SMURF2: variants seen among roughly 807,000 people sequenced by gnomAD.
SMURF2 encodes SMAD specific E3 ubiquitin protein ligase 2, also known as E3 ubiquitin-protein ligase SMURF2.
A neutral mutation model predicts 109.6 loss-of-function variants in SMURF2; 48 were observed. The observed-to-expected ratio is 0.44, with a 90% CI of 0.35 to 0.56. The LOEUF is 0.56. Ranked by LOEUF, SMURF2 falls within the 20% of genes least tolerant of loss-of-function variation. The probability of loss-of-function intolerance (pLI) is 0.01; values close to 1 mark genes in which losing one functional copy is unlikely to be tolerated. For synonymous variants in SMURF2, 288 were observed against 317.1 expected (o/e 0.91, Z 0.97); for missense variants, 575 against 909.0 (o/e 0.63, Z 4.72).
chr17:64,604,761 T>C (rs1555688884), intron 2 of SMURF2, among the ~76,000 whole-genome samples: 3 of 151,832 alleles, frequency 2.0e-5, no homozygotes, highest in Admixed American at 2.0e-4. Context: ...CTGACCAACA[T>C]GGTGAAACTC....
At chr17:64,568,112 C>T (rs1270749840) in intron 10 of SMURF2, among the ~76,000 whole-genome samples, 2 of 152,046 alleles carry the variant, frequency 1.3e-5, no homozygotes, top group African/African-American at 4.8e-5. Context: ...CCTTGGCCTC[C>T]CAAAGTGGTG....
At position 64,551,205 on chromosome 17, in the gene SMURF2, A is replaced by C. The variant is rs538687321; in HGVS notation, c.1869+379T>G. Among the ~76,000 whole-genome samples the C allele has an allele frequency of 1.3e-4, 20 of 152,174 alleles. No homozygotes were observed. In the South Asian group the frequency reaches 3.3e-3, roughly 25 times the overall value. ...CAAAACCCTGTCTCTACCAAAAAAA[A>C]CAAAAAAATTAGCCAGGGGTGCTGG... On this transcript the variant is annotated intron_variant, in intron 16 of 18. Coordinates refer to ENST00000262435, the MANE Select transcript of SMURF2 (RefSeq NM_022739.4).
At chr17:64,600,361 T>A (rs1388691869) in intron 2 of SMURF2, among the ~76,000 whole-genome samples, 3 of 152,208 alleles carry the variant, frequency 2.0e-5, no homozygotes, top group African/African-American at 7.2e-5. Context: ...GAGACAAAAA[T>A]GTCACTTCAT....
At chr17:64,640,550 T>C (rs1208450671) in intron 1 of SMURF2, among the ~76,000 whole-genome samples, 1 of 152,182 alleles carries the variant, frequency 6.6e-6, no homozygotes, top group African/African-American at 2.4e-5. Context: ...AGCAAGGAAG[T>C]AAAATCATCC....
chr17:64,629,067 G>C (rs1315578955), intron 1 of SMURF2, among the ~76,000 whole-genome samples: 4 of 152,092 alleles, frequency 2.6e-5, no homozygotes, highest in African/African-American at 4.8e-5. Context: ...AAAGTTTTCT[G>C]AGTTTAGAAA....
In SMURF2 at chr17:64,641,861, C is replaced by A. The variant is rs782245982; in HGVS notation, c.52+19968G>T. Among the ~76,000 whole-genome samples the A allele has an allele frequency of 2.2e-4, 33 of 152,212 alleles. 1 individual carries two copies. The highest frequency in any genetic ancestry group is 3.5e-4 in the Non-Finnish European group (24 of 68,032). ...TATTAGTCTCACTCCAGCTGGAATG[C>A]AATGGCACAATCTCGGCTCACTGCA... is the stretch of plus-strand genomic sequence containing the variant. On this transcript the variant is annotated intron_variant, in intron 1 of 18. Transcript: ENST00000262435.
chr17:64,621,800 G>A (rs1970206289), intron 1 of SMURF2, among the ~76,000 whole-genome samples: 1 of 150,752 alleles, frequency 6.6e-6, no homozygotes, highest in Non-Finnish European at 1.5e-5. Flanking sequence ...CTTGAACCGG[G>A]ACCCGGGAGG....
intron 1 of SMURF2, among the ~76,000 whole-genome samples, chr17:64,640,465 G>A (rs1970479140): frequency 6.6e-6 from 1 of 152,100 alleles, no homozygotes; most frequent in Non-Finnish European, 1.5e-5. Flanking sequence ...AGTCAACAGG[G>A]GCAGATTATA....
chr17:64,579,914 CAGTT>C (rs1490690258), intron 8 of SMURF2, among the ~76,000 whole-genome samples: 2 of 152,182 alleles, frequency 1.3e-5, no homozygotes, highest in Non-Finnish European at 2.9e-5. Flanking sequence ...AGTCATAGCA[CAGTT>C]AATGGACAAG....
rs1201648898 is a variant in SMURF2, at chr17:64,546,443, G to A, written c.2072-105C>T. On this transcript the variant is annotated intron_variant, in intron 17 of 18. Coordinates refer to ENST00000262435, the MANE Select transcript of SMURF2 (RefSeq NM_022739.4). Reference sequence around the variant, plus strand: ...GTTAACCACAGGATCTGGGGATAGGGGAATGCTAATGAATCCACACATACT... The same window carrying A: ...GTTAACCACAGGATCTGGGGATAGGAGAATGCTAATGAATCCACACATACT... 4.1e-6 allele frequency: 4 copies of A among 965,978 alleles called. No homozygotes were observed. In the East Asian group the frequency reaches 1.1e-4, roughly 26 times the overall value. 59.8% of individuals were successfully genotyped at this position (965,978 alleles called of 1,614,324 possible).
chr17:64,624,876 T>C (rs1970248185), intron 1 of SMURF2, among the ~76,000 whole-genome samples: 1 of 152,018 alleles, frequency 6.6e-6, no homozygotes, highest in Non-Finnish European at 1.5e-5. Flanking sequence ...CTCAATAAAA[T>C]ATCATTTATA....
At chr17:64,580,714 A>C in intron 8 of SMURF2, 75 bp downstream of exon 8, 1 of 1,432,940 alleles carries the variant, frequency 7.0e-7, no homozygotes. Flanking sequence ...AACTTTTTCA[A>C]AATATATTTT....
intron 2 of SMURF2, among the ~76,000 whole-genome samples, chr17:64,599,423 T>C (rs146908531): frequency 6.6e-6 from 1 of 152,188 alleles, no homozygotes; most frequent in East Asian, 1.9e-4. Context: ...AAGGTTTGAA[T>C]CTGAACAGTA....
chr17:64,661,682 A>T (rs1970779498), intron 1 of SMURF2, 147 bp downstream of exon 1: 1 of 459,292 alleles, frequency 2.2e-6, no homozygotes, highest in Non-Finnish European at 3.2e-6. Flanking sequence ...GTGGTTTTCC[A>T]ATTACTCTCC....
At chr17:64,593,372 T>C in intron 4 of SMURF2, 68 bp downstream of exon 4, 2 of 1,418,836 alleles carry the variant, frequency 1.4e-6, no homozygotes, top group Non-Finnish European at 1.9e-6. Flanking sequence ...TATATGTATA[T>C]GCACAAATAC....
At chr17:64,550,984 A>C (rs1325380009) in intron 16 of SMURF2, among the ~76,000 whole-genome samples, 7 of 152,224 alleles carry the variant, frequency 4.6e-5, no homozygotes, top group African/African-American at 1.7e-4. Flanking sequence ...TATTGGAAGA[A>C]TGTACATATA....
At chr17:64,554,485 T>C (rs1422708320) in intron 15 of SMURF2, among the ~76,000 whole-genome samples, 2 of 152,004 alleles carry the variant, frequency 1.3e-5, no homozygotes, top group African/African-American at 2.4e-5. Flanking sequence ...TGATATCACA[T>C]AGGGAGAACC....
At chr17:64,632,435 T>A (rs1568203519) in intron 1 of SMURF2, among the ~76,000 whole-genome samples, 1 of 152,142 alleles carries the variant, frequency 6.6e-6, no homozygotes, top group Non-Finnish European at 1.5e-5. Context: ...ACTCCTAACA[T>A]CAACCCTCCC....
chr17:64,556,252 A>C (rs1381770650), intron 13 of SMURF2, among the ~76,000 whole-genome samples: 2 of 152,114 alleles, frequency 1.3e-5, no homozygotes, highest in African/African-American at 4.8e-5. Context: ...TTAGAAATTA[A>C]GTCCAAACTA....
Sources: allele counts gnomAD v4.1 joint callset (sites outside exome capture counted in the v4.1 genomes callset), GRCh38; gene constraint gnomAD v4.1.1; transcripts MANE v1.5; gene names NCBI Gene and HGNC (gene_info 2026-07-23, HGNC 2026-07-21).